Variants in TTN observed in about 807,000 individuals in gnomAD.
The protein encoded by TTN is titin, also known as connectin.
Under a neutral mutation model 3,223.0 loss-of-function variants are expected in TTN, and 1,525 were observed. The observed-to-expected ratio is 0.47, with a 90% confidence interval of 0.45 to 0.49. The LOEUF (loss-of-function observed/expected upper bound fraction) is 0.49. Ranked by LOEUF, TTN falls within the 20% of genes least tolerant of loss-of-function variation. The pLI, the probability that TTN is intolerant of heterozygous loss-of-function variation, is 0.00. For synonymous variants in TTN, 14,094 were observed against 15,161.0 expected, an observed-to-expected ratio of 0.93 and a Z score of 5.17; for missense variants, 40,786 against 43,424.0, an observed-to-expected ratio of 0.94 and a Z score of 5.40.
At position 178,594,009 on chromosome 2, in the gene TTN, C is replaced by G; in HGVS notation, c.58384G>C (p.Glu19462Gln). Residue 19462 changes from glutamate (E) to glutamine (Q), a missense_variant, in exon 297 of 363, where the codon GAG becomes CAG. By Grantham distance (29) the Glu-to-Gln change is conservative. Transcript: ENST00000589042. ...CCTTTCCTAGAGCCTGTACTGTTCTCCACAACCACACAGTATTTGCCGGAA... is the reference window on the plus strand; with the variant it reads ...CCTTTCCTAGAGCCTGTACTGTTCTGCACAACCACACAGTATTTGCCGGAA... ...SDSGKYCVVVENSTGSRKGFC... is the reference protein window; with the variant it reads ...SDSGKYCVVVQNSTGSRKGFC... The G allele has an allele frequency of 6.2e-7, 1 of 1,613,612 alleles. No homozygotes were observed. Among genetic ancestry groups the G allele is most frequent in the Non-Finnish European group, 8.5e-7 (1 of 1,179,670 alleles).
intron 47 of TTN, chr2:178,746,722 A>G: frequency 1.2e-6 from 2 of 1,613,432 alleles, no homozygotes; most frequent in Non-Finnish European, 1.7e-6. Context: ...TGATTCTTTC[A>G]TCTGGCTCTA....
At position 178,550,057 on chromosome 2, in the gene TTN, C is replaced by T. The variant is rs759363893; in HGVS notation, c.91781G>A (p.Arg30594His). Residue 30594 changes from arginine to histidine, a missense_variant, in exon 337 of 363, where the codon CGT (arginine) becomes CAT (histidine). Transcript: ENST00000589042. ...LFVRDATRDHRGVYTVEAKNA... is the reference protein window; with the variant it reads ...LFVRDATRDHHGVYTVEAKNA... ...TTTGGCTTCCACTGTGTATACACCA[C>T]GATGGTCCCGAGTAGCATCTCTAAC... 8.1e-6 allele frequency: 13 copies of T among 1,613,780 alleles called. No homozygotes were observed. The highest frequency in any genetic ancestry group is 4.4e-5 in the South Asian group (4 of 91,072).
chr2:178,678,447 C>A lies in TTN; in HGVS notation c.33877G>T (p.Ala11293Ser). 1 of 1,596,624 alleles carries A rather than the reference C, an allele frequency of 6.3e-7. No individual in the cohort carries two copies. The highest frequency in any genetic ancestry group is 8.5e-7 in the Non-Finnish European group (1 of 1,171,566). The change falls in exon 144 of 363, where the codon GCT becomes TCT. Residue 11293 changes from alanine (A) to serine (S), a missense_variant. Physicochemically the swap from Ala to Ser is moderately conservative, Grantham distance 99 (BLOSUM62 1). Transcript: ENST00000589042. ...GGTGGAGCCTCCACTTTCTTAGGAG[C>A]AGGAACTGGCACCTTCTTCTCAGGC... ...PVPEKKVPVP[A>S]PKKVEAPPAK...
In TTN at chr2:178,672,244, C is replaced by G. The variant is rs371752190; in HGVS notation, c.34954G>C (p.Val11652Leu). 2 of 1,572,422 alleles carry G rather than the reference C, an allele frequency of 1.3e-6. No individual in the cohort carries two copies. Among genetic ancestry groups the G allele is most frequent in the Admixed American group, 1.9e-5 (1 of 53,552 alleles). ...AKGRTVLEEK[V>L]SVAFRQEVVV... ...ACTTCTTGGCGGAAGGCAACTGATA[C>G]TTTTTCTTCAAGGACAGTTCTCCCT... The change falls in exon 155 of 363, where the codon GTA becomes CTA. Residue 11652 changes from valine (V) to leucine (L), a missense_variant. Val to Leu is a conservative substitution (Grantham distance 32). Transcript: ENST00000589042.
chr2:178,739,648 G>A lies in TTN; in HGVS notation c.13585C>T (p.Leu4529=), dbSNP rs372984881. The change falls in exon 48 of 363, where the codon CTG becomes TTG. Residue 4529 remains leucine (L), a synonymous_variant. Coordinates refer to ENST00000589042, the MANE Select transcript of TTN (RefSeq NM_001267550.2). ...ITEPEVESKY[L]ISTEEVSYFN... ...TAACTGACCTCTTCAGTTGAGATCA[G>A]ATATTTAGATTCAACTTCTGGTTCA... 3.7e-6 allele frequency: 6 copies of A among 1,613,760 alleles called. No homozygotes were observed. The African/African-American group carries it at 8.0e-5, about 22-fold the overall frequency.
rs1250155812 is a variant in TTN at position 178,715,749 on chromosome 2, T to C, written c.25665A>G (p.Leu8555=). 3 of 1,587,644 alleles carry C rather than the reference T, an allele frequency of 1.9e-6. No individual in the cohort carries two copies. Among genetic ancestry groups the C allele is most frequent in the Admixed American group, 1.8e-5 (1 of 56,120 alleles). Residue 8555 remains leucine, a synonymous_variant, in exon 89 of 363, where the codon CTA becomes CTG. Transcript: ENST00000589042. ...VQEPPRFIKK[L]EPSRIVKQDE... is the part of the protein sequence containing the mutation. ...CCTGTTTCACAATTCTTGAAGGTTC[T>C]AGCTTCTTAATGAACCTGGGTGGTT...
At position 178,621,245 on chromosome 2, in the gene TTN, G is replaced by A. The variant is rs371879778; in HGVS notation, c.45473C>T (p.Thr15158Ile). Reference protein sequence around the residue: ...FPVQWKRDDKTLESGDKYDVI... With the variant: ...FPVQWKRDDKILESGDKYDVI... ...GTCATATTTATCTCCAGATTCAAGT[G>A]TCTTATCATCCCTCTTCCACTGGAC... is the stretch of plus-strand genomic sequence containing the variant. The change falls in exon 246 of 363, where the codon ACA becomes ATA. Residue 15158 changes from threonine (T) to isoleucine (I), a missense_variant. Transcript: ENST00000589042. 20 of 1,612,146 alleles carry A rather than the reference G, an allele frequency of 1.2e-5. No homozygotes were observed. Among genetic ancestry groups the A allele is most frequent in the African/African-American group, 5.3e-5 (4 of 74,792 alleles).
chr2:178,670,338 C>A, intron 156 of TTN, 43 bp from the exon 157 acceptor site: 1 of 1,210,770 alleles, frequency 8.3e-7, no homozygotes, highest in Non-Finnish European at 1.1e-6. Context: ...TTTAAATATA[C>A]AATTTTTTAA....
Position 178,572,386 on chromosome 2 carries a change from C to G in TTN, c.73746G>C (p.Gln24582His). ...NCHKTSWKVD[Q>H]LQEGCSYYFR... ...AATAGTAGCTACAGCCTTCTTGAAG[C>G]TGGTCTACCTTCCAGGAAGTCTTGT... The change falls in exon 326 of 363, where the codon CAG (glutamine) becomes CAC (histidine). Residue 24582 changes from glutamine to histidine, a missense_variant. Gln to His is a conservative substitution (Grantham distance 24). Transcript: ENST00000589042. 5 of 1,613,110 alleles carry G rather than the reference C, an allele frequency of 3.1e-6. No homozygotes were observed. The highest frequency in any genetic ancestry group is 4.2e-6 in the Non-Finnish European group (5 of 1,179,282).
rs869312117 is a variant in TTN at position 178,568,033 on chromosome 2, GTTTC to G, written c.78095_78098del (p.Arg26032ThrfsTer41). 1 of 1,613,320 alleles carries G rather than the reference GTTTC, an allele frequency of 6.2e-7. No homozygotes were observed. The highest frequency in any genetic ancestry group is 8.5e-7 in the Non-Finnish European group (1 of 1,179,588). On this transcript the variant is annotated frameshift_variant, in exon 326 of 363. Coordinates refer to ENST00000589042, the MANE Select transcript of TTN (RefSeq NM_001267550.2). LOFTEE classifies it high-confidence loss of function. ...TGTTGACCTTTGTCCACAAAATACT[GTTTC>G]TTTCTTTTCTCTCCAGGTGGTAACC...
rs1302011604 is a variant in TTN, at chr2:178,532,234, G to A, written c.104381C>T (p.Ser34794Leu). 8.7e-6 allele frequency: 14 copies of A among 1,613,494 alleles called. No individual in the cohort carries two copies. Among genetic ancestry groups the A allele is most frequent in the Non-Finnish European group, 1.2e-5 (14 of 1,179,864 alleles). ...SEYKSELDFM[S>L]KEEKSRKKSR... Reference sequence around the variant, plus strand: ...TTTCTTTCTAGACTTTTCCTCCTTTGACATGAAGTCAAGTTCGCTTTTGTA... The same window carrying A: ...TTTCTTTCTAGACTTTTCCTCCTTTAACATGAAGTCAAGTTCGCTTTTGTA... Residue 34794 changes from serine to leucine, a missense_variant, in exon 358 of 363, where the codon TCA (serine) becomes TTA (leucine). By Grantham distance (145) the Ser-to-Leu change is moderately radical. Coordinates refer to ENST00000589042, the MANE Select transcript of TTN (RefSeq NM_001267550.2).
At chr2:178,669,923 T>C (rs985843619) in intron 157 of TTN, among the ~76,000 whole-genome samples, 3 of 152,028 alleles carry the variant, frequency 2.0e-5, no homozygotes, top group Admixed American at 1.3e-4. Flanking sequence ...GCACACTTTT[T>C]TTTTTCCAGA....
chr2:178,527,871 C>CTTA, intron 361 of TTN, 123 bp from the exon 362 acceptor site: 1 of 917,262 alleles, frequency 1.1e-6, no homozygotes, highest in Non-Finnish European at 1.6e-6. Context: ...AAACAATTTG[C>CTTA]TGTTGAAGCA....
rs1390307485 is a variant in TTN at position 178,618,572 on chromosome 2, C to T, written c.46966+12G>A. 1.2e-6 allele frequency: 2 copies of T among 1,610,384 alleles called. No homozygotes were observed. The highest frequency in any genetic ancestry group is 1.1e-5 in the South Asian group (1 of 90,282). ...GCTTTGCCAATTAAGTCTGAGAGACCCAAGGGCTTACCAATAACTTTTAAA... is the reference window on the plus strand; with the variant it reads ...GCTTTGCCAATTAAGTCTGAGAGACTCAAGGGCTTACCAATAACTTTTAAA... On this transcript the variant is annotated intron_variant, in intron 251 of 362. Coordinates refer to ENST00000589042, the MANE Select transcript of TTN (RefSeq NM_001267550.2).
rs1398429600 is a variant in TTN at position 178,707,672 on chromosome 2, G to A, written c.28895C>T (p.Pro9632Leu). The change falls in exon 100 of 363, where the codon CCT becomes CTT. Residue 9632 changes from proline to leucine, a missense_variant. Coordinates refer to ENST00000589042, the MANE Select transcript of TTN (RefSeq NM_001267550.2). ...QWLKAGREIK[P>L]SDRCSFSFAS... The stretch of plus-strand genomic sequence containing the variant: ...AAAGCTGAAGCTGCATCTGTCTGAA[G>A]GCTTTATTTCCCTGCCAGCCTTCAA... 2.5e-6 allele frequency: 4 copies of A among 1,613,932 alleles called. No homozygotes were observed. In the Admixed American group the frequency reaches 6.7e-5, roughly 27 times the overall value.
chr2:178,594,029 C>G lies in TTN; in HGVS notation c.58364G>C (p.Gly19455Ala), dbSNP rs770572636. 1 of 1,613,570 alleles carries G rather than the reference C, an allele frequency of 6.2e-7. No individual in the cohort carries two copies. The highest frequency in any genetic ancestry group is 1.7e-5 in the Admixed American group (1 of 59,978). The change falls in exon 297 of 363, where the codon GGC becomes GCC. Residue 19455 changes from glycine to alanine, a missense_variant. By Grantham distance (60) the Gly-to-Ala change is moderately conservative. Coordinates refer to ENST00000589042, the MANE Select transcript of TTN (RefSeq NM_001267550.2). The stretch of plus-strand genomic sequence containing the variant: ...GTTCTCCACAACCACACAGTATTTG[C>G]CGGAATCTGAACGTTTGGCCTTGAT... The part of the protein sequence containing the change: ...EKIKAKRSDS[G>A]KYCVVVENST...
chr2:178,560,911 G>A lies in TTN; in HGVS notation c.85221C>T (p.Ile28407=). 1 of 1,613,764 alleles carries A rather than the reference G, an allele frequency of 6.2e-7. No individual in the cohort carries two copies. The highest frequency in any genetic ancestry group is 8.5e-7 in the Non-Finnish European group (1 of 1,179,814). The change falls in exon 326 of 363, where the codon ATC becomes ATT. Residue 28407 remains isoleucine (I), a synonymous_variant. Coordinates refer to ENST00000589042, the MANE Select transcript of TTN (RefSeq NM_001267550.2). ...EIEERARTEI[I]STDNHTLLTV... is the part of the protein sequence containing the mutation. ...TTAACAAAGTATGATTGTCTGTTGAGATGATTTCTGTTCTTGCTCTTTCTT... is the reference window on the plus strand; with the variant it reads ...TTAACAAAGTATGATTGTCTGTTGAAATGATTTCTGTTCTTGCTCTTTCTT...
At chr2:178,778,640 G>C (rs1165124904) in intron 24 of TTN, 1 of 561,114 alleles carries the variant, frequency 1.8e-6, no homozygotes, top group Non-Finnish European at 3.2e-6. Context: ...GAGCTATTGT[G>C]ATATTAGCTA....
At position 178,654,199 on chromosome 2, in the gene TTN, A is replaced by T. The variant is rs762011397; in HGVS notation, c.38380+9T>A. 2 of 1,594,262 alleles carry T rather than the reference A, an allele frequency of 1.3e-6. No individual in the cohort carries two copies. Among genetic ancestry groups the T allele is most frequent in the South Asian group, 2.3e-5 (2 of 88,090 alleles). On this transcript the variant is annotated intron_variant, in intron 193 of 362. Coordinates refer to ENST00000589042, the MANE Select transcript of TTN (RefSeq NM_001267550.2). ...AAGTTATTCTTAGCAGAGGAGAGGGAATAAATACCTTTTGCACGTGGGGCT... is the reference window on the plus strand; with the variant it reads ...AAGTTATTCTTAGCAGAGGAGAGGGTATAAATACCTTTTGCACGTGGGGCT...
Sources: allele counts gnomAD v4.1 joint callset (sites outside exome capture counted in the v4.1 genomes callset), GRCh38; gene constraint gnomAD v4.1.1; transcripts MANE v1.5; gene names NCBI Gene and HGNC (gene_info 2026-07-23, HGNC 2026-07-21).